Variants in GRK7 observed in about 807,000 individuals in gnomAD.
GRK7 encodes rhodopsin kinase GRK7.
In GRK7, 24 loss-of-function variants were observed where a neutral mutation model predicts 34.1. The ratio of observed to expected loss-of-function variants is 0.70; its 90% CI spans 0.51 to 0.99. The LOEUF is 0.99. GRK7 is among the 50% of genes least tolerant of loss of function. The pLI is 0.00. For synonymous variants in GRK7, 256 were observed against 279.4 expected (o/e 0.92, Z 0.84); for missense variants, 644 against 707.3 (o/e 0.91, Z 1.02).
At chr3:141,767,395 T>C (rs58300294) in intron 1 of GRK7, among the ~76,000 whole-genome samples, 10,266 of 151,618 alleles carry the variant, frequency 0.068, 365 homozygotes, top group South Asian at 0.11. Context: ...TTTTGTGTTT[T>C]GTTTTTTGTT....
chr3:141,812,585 G>C (rs1326446474), intron 5 of GRK7, among the ~76,000 whole-genome samples: 1 of 152,216 alleles, frequency 6.6e-6, no homozygotes, highest in African/African-American at 2.4e-5. Context: ...CTGCCCTCCA[G>C]GGGCATCTAG....
chr3:141,792,761 T>C (rs796570981), intron 4 of GRK7, among the ~76,000 whole-genome samples: 8 of 152,328 alleles, frequency 5.3e-5, no homozygotes, highest in African/African-American at 1.9e-4. Flanking sequence ...TCTTTTTGTA[T>C]ATTAATGAGT....
chr3:141,801,944 CT>C (rs1577923660), intron 4 of GRK7, among the ~76,000 whole-genome samples: 1 of 152,136 alleles, frequency 6.6e-6, no homozygotes, highest in East Asian at 1.9e-4. Flanking sequence ...AAGTTTCCCC[CT>C]ATGCCCCTCA....
chr3:141,786,634 T>C (rs140824212), intron 4 of GRK7, among the ~76,000 whole-genome samples: 2,927 of 151,928 alleles, frequency 0.019, 56 homozygotes, highest in East Asian at 0.09. Flanking sequence ...AAAAATTAGC[T>C]GGGCATGATG....
chr3:141,762,997 C>T (rs1384305144), upstream of GRK7, among the ~76,000 whole-genome samples: 2 of 152,204 alleles, frequency 1.3e-5, no homozygotes, highest in African/African-American at 4.8e-5. Flanking sequence ...GCGCCCGGTG[C>T]GCGCACCCAC....
chr3:141,806,871 A>C (rs1326138196), intron 4 of GRK7, among the ~76,000 whole-genome samples: 2 of 152,038 alleles, frequency 1.3e-5, no homozygotes, highest in South Asian at 2.1e-4. Flanking sequence ...TTAGATAGTA[A>C]ATTTTATGGG....
At position 141,804,905 on chromosome 3, in the gene GRK7, G is replaced by A. The variant is rs562427234; in HGVS notation, c.1051-2740G>A. ...CACTCACATGCACATTAACACATAC[G>A]CATGCTCACACACACATGCATACTC... On this transcript the variant is annotated intron_variant, in intron 4 of 5. Transcript: ENST00000682958. Among the ~76,000 whole-genome samples, 15 of 147,020 alleles carry A rather than the reference G, an allele frequency of 1.0e-4. No homozygotes were observed. In the South Asian group the frequency reaches 2.4e-3, roughly 24 times the overall value.
rs2084570264 is a variant in GRK7, at chr3:141,764,378, G to C, written c.-1575G>C. On this transcript the variant is annotated 5_prime_UTR_variant, in exon 1 of 6. Transcript: ENST00000682958. ...AAGGTTTTCATCCCACTACTTCATA[G>C]AAACTGCTCTTGTCAAGCATCTGCG... 6.6e-6 allele frequency among the ~76,000 whole-genome samples: 1 copy of C among 152,160 alleles called. No homozygotes were observed. The highest frequency in any genetic ancestry group is 2.4e-5 in the African/African-American group (1 of 41,430).
chr3:141,777,491 A>ATTTTTTTTTTTTTTTTTTTTTT (rs530806848), intron 2 of GRK7, among the ~76,000 whole-genome samples: 56 of 80,546 alleles, frequency 7.0e-4, no homozygotes, highest in African/African-American at 2.6e-3. Flanking sequence ...AGCCCGGCTA[A>ATTTTTTTTTTTTTTTTTTTTTT]TTTTTTTTTT....
rs1468270587 is a variant in GRK7 at position 141,780,624 on chromosome 3, T to A, written c.863T>A (p.Leu288Gln). The A allele has an allele frequency of 6.2e-7, 1 of 1,614,102 alleles. No individual in the cohort carries two copies. Among genetic ancestry groups the A allele is most frequent in the Non-Finnish European group, 8.5e-7 (1 of 1,180,040 alleles). ...FHIYNVGTRG[L>Q]DMSRVIFYSA... Reference sequence around the variant, plus strand: ...ATCTACAACGTGGGCACGCGTGGCCTGGACATGAGCCGGGTGATCTTTTAC... The same window carrying A: ...ATCTACAACGTGGGCACGCGTGGCCAGGACATGAGCCGGGTGATCTTTTAC... Residue 288 changes from leucine to glutamine, a missense_variant, in exon 4 of 6, where the codon CTG becomes CAG. Leu to Gln is a moderately radical substitution (Grantham distance 113). Coordinates refer to ENST00000682958, the MANE Select transcript of GRK7 (RefSeq NM_139209.3).
chr3:141,795,431 C>T (rs779400338), intron 4 of GRK7, among the ~76,000 whole-genome samples: 1 of 152,218 alleles, frequency 6.6e-6, no homozygotes, highest in Non-Finnish European at 1.5e-5. Context: ...ATAAAGGCCT[C>T]GCAGCACAAG....
upstream of GRK7, among the ~76,000 whole-genome samples, chr3:141,762,586 C>T (rs1235405398): frequency 4.0e-5 from 6 of 151,402 alleles, no homozygotes; most frequent in Non-Finnish European, 8.8e-5. Context: ...GTGCCCTGCC[C>T]CCAGAGCTGG....
intron 4 of GRK7, among the ~76,000 whole-genome samples, chr3:141,796,513 T>C (rs1477153330): frequency 6.6e-6 from 1 of 152,208 alleles, no homozygotes; most frequent in Non-Finnish European, 1.5e-5. Flanking sequence ...TCAGGTGACC[T>C]CTGCAGCTGT....
Position 141,780,521 on chromosome 3 carries a change from C to G in GRK7, c.760C>G (p.Leu254Val). The change falls in exon 4 of 6, where the codon CTG becomes GTG. Residue 254 changes from leucine to valine, a missense_variant. By Grantham distance (32) the Leu-to-Val change is conservative. Transcript: ENST00000682958. Reference protein sequence around the residue: ...EKVSSPFIVSLAYAFESKTHL... With the variant: ...EKVSSPFIVSVAYAFESKTHL... ...GGTCAGCAGCCCTTTCATTGTCTCT[C>G]TGGCCTATGCCTTTGAGAGCAAGAC... The G allele has an allele frequency of 6.2e-7, 1 of 1,614,250 alleles. No individual in the cohort carries two copies. The highest frequency in any genetic ancestry group is 8.5e-7 in the Non-Finnish European group (1 of 1,180,050).
At chr3:141,751,889 C>T in the GRK7 span, among the ~76,000 whole-genome samples, 3 of 152,130 alleles carry the variant, frequency 2.0e-5, no homozygotes, top group African/African-American at 7.2e-5. Context: ...AGCACAATGT[C>T]GATGATCCAT....
intron 2 of GRK7, among the ~76,000 whole-genome samples, chr3:141,775,616 T>C (rs1364106555): frequency 2.0e-5 from 3 of 152,086 alleles, no homozygotes; most frequent in African/African-American, 2.4e-5. Flanking sequence ...CTGGTTTGAA[T>C]TGAAATGTGT....
chr3:141,797,729 C>T (rs973470429), intron 4 of GRK7, among the ~76,000 whole-genome samples: 2 of 152,102 alleles, frequency 1.3e-5, no homozygotes, highest in African/African-American at 4.8e-5. Flanking sequence ...GCTTCCTCTC[C>T]GGCTCCTTTC....
chr3:141,771,210 T>C (rs1051841631), intron 1 of GRK7, among the ~76,000 whole-genome samples: 2 of 151,670 alleles, frequency 1.3e-5, no homozygotes, highest in African/African-American at 4.8e-5. Context: ...TATGTGTGTG[T>C]GCACGTGTGT....
chr3:141,775,417 AAAGT>A (rs1244139968), intron 2 of GRK7, among the ~76,000 whole-genome samples: 1 of 152,170 alleles, frequency 6.6e-6, no homozygotes, highest in Admixed American at 6.5e-5. Context: ...AAAAGAAAAG[AAAGT>A]GAGTTATTTA....
Sources: allele counts gnomAD v4.1 joint callset (sites outside exome capture counted in the v4.1 genomes callset), GRCh38; gene constraint gnomAD v4.1.1; transcripts MANE v1.5; gene names NCBI Gene and HGNC (gene_info 2026-07-23, HGNC 2026-07-21).